The following ZBTB46 variants were observed in gnomAD, a reference collection of about 807,000 sequenced individuals.
ZBTB46 encodes the protein zinc finger and BTB domain-containing protein 46.
ZBTB46 carries 8 observed loss-of-function variants against 44.1 expected under a neutral mutation model. The observed-to-expected ratio is 0.18, with a 90% CI of 0.11 to 0.33. The LOEUF (loss-of-function observed/expected upper bound fraction) is 0.33, where lower values mean the gene tolerates loss of function less well. Ranked by LOEUF, ZBTB46 falls within the 10% of genes least tolerant of loss-of-function variation. ZBTB46 has a pLI of 1.00. For missense variants in ZBTB46, 651 were observed against 847.7 expected (o/e 0.77, Z 2.88); for synonymous variants, 409 against 382.3 (o/e 1.07, Z -0.81).
chr20:63,744,605 T>C lies in ZBTB46; in HGVS notation c.*2325A>G, dbSNP rs1022603541. 6.6e-6 allele frequency: 1 copy of C among 151,798 alleles called. No individual in the cohort carries two copies. The highest frequency in any genetic ancestry group is 2.4e-5 in the African/African-American group (1 of 40,950). The allele number at this position is 151,798 out of a possible 1,614,324, so 9.4% of individuals were successfully genotyped here. A position where few individuals can be genotyped will look rare whatever the true frequency, so the allele number is the denominator to read the frequency against. On this transcript the variant is annotated 3_prime_UTR_variant, in exon 5 of 5. Coordinates refer to ENST00000245663, the MANE Select transcript of ZBTB46 (RefSeq NM_001369741.1). The stretch of plus-strand genomic sequence containing the variant: ...CACATAAAAAAAACCCTTCATGACA[T>C]GTCTTTTCCCTCCACGCCTCCTGAG...
intron 3 of ZBTB46, among the ~76,000 whole-genome samples, chr20:63,771,122 G>A (rs1177736165): frequency 1.3e-5 from 2 of 152,176 alleles, no homozygotes; most frequent in African/African-American, 2.4e-5. Context: ...CTGAGTTGAA[G>A]CTGCGTTCCT....
intron 1 of ZBTB46, among the ~76,000 whole-genome samples, chr20:63,807,591 C>T (rs1237016105): frequency 2.0e-5 from 3 of 151,942 alleles, no homozygotes; most frequent in Non-Finnish European, 4.4e-5. Flanking sequence ...GCAATCTGCC[C>T]GCCTCGGCCT....
At chr20:63,808,608 G>A (rs189423538) in intron 1 of ZBTB46, among the ~76,000 whole-genome samples, 2,279 of 152,256 alleles carry the variant, frequency 0.015, 33 homozygotes, top group Non-Finnish European at 0.02. Context: ...TGGGTGGGAG[G>A]CGGACAGAGC....
chr20:63,792,597 A>C (rs1007341433), intron 1 of ZBTB46, among the ~76,000 whole-genome samples: 1 of 151,974 alleles, frequency 6.6e-6, no homozygotes, highest in African/African-American at 2.4e-5. Context: ...GCTCACTGCA[A>C]GCTCCGCTCC....
chr20:63,828,365 A>T (rs1369073479), intron 1 of ZBTB46, among the ~76,000 whole-genome samples: 1 of 152,268 alleles, frequency 6.6e-6, no homozygotes, highest in Non-Finnish European at 1.5e-5. Flanking sequence ...GGCCTCTCAA[A>T]GCCCTGAATA....
chr20:63,766,397 G>T (rs1461859465), intron 3 of ZBTB46, among the ~76,000 whole-genome samples: 1 of 151,704 alleles, frequency 6.6e-6, no homozygotes, highest in East Asian at 1.9e-4. Context: ...TCTATTTTTA[G>T]TAGAGATACG....
intron 1 of ZBTB46, among the ~76,000 whole-genome samples, chr20:63,812,483 A>T (rs796221669): frequency 3.3e-5 from 5 of 152,300 alleles, no homozygotes; most frequent in African/African-American, 1.2e-4. Context: ...CTCTACTAAA[A>T]TACAAAAAAT....
chr20:63,827,149 G>C (rs1243840983), intron 1 of ZBTB46, among the ~76,000 whole-genome samples: 1 of 152,102 alleles, frequency 6.6e-6, no homozygotes, highest in Non-Finnish European at 1.5e-5. Flanking sequence ...CACCACACTG[G>C]GTCACATCAG....
In ZBTB46 at chr20:63,743,977, C is replaced by T. The variant is rs1439176473; in HGVS notation, c.*2953G>A. 1 of 152,424 alleles carries T rather than the reference C, an allele frequency of 6.6e-6. No homozygotes were observed. Among genetic ancestry groups the T allele is most frequent in the Non-Finnish European group, 1.5e-5 (1 of 68,034 alleles). 9.4% of individuals were successfully genotyped at this position (152,424 alleles called of 1,614,324 possible). A position where few individuals can be genotyped will look rare whatever the true frequency, so the allele number is the denominator to read the frequency against. On this transcript the variant is annotated 3_prime_UTR_variant, in exon 5 of 5. Transcript: ENST00000245663. ...AAAAATCAACAATCTTCAAACACTG[C>T]CCTTTTTTTGTGTGTTTTGTTTTTG...
At position 63,803,050 on chromosome 20, in the gene ZBTB46, G is replaced by A. The variant is rs561935957; in HGVS notation, c.-33-12260C>T. ...GCGATGCCACAGACGCCAACAGGAG[G>A]AAACACGTTTCTGGGCAGCTCTGCC... On this transcript the variant is annotated intron_variant, in intron 1 of 4. Transcript: ENST00000245663. This position sits in a 1 kb window ranked among gnomAD's most constrained non-coding sequence, Gnocchi z 4.0. Among the ~76,000 whole-genome samples the A allele has an allele frequency of 1.3e-5, 2 of 152,250 alleles. No individual in the cohort carries two copies. The highest frequency in any genetic ancestry group is 4.1e-4 in the South Asian group (2 of 4,824).
At position 63,767,625 on chromosome 20, in the gene ZBTB46, G is replaced by C. The variant is rs1001867415; in HGVS notation, c.1222+8053C>G. ...CCGCAGCACTGAGGTCAAAGCAAAC[G>C]CCGGCTCCAGCGCACAGACCAGAGG... On this transcript the variant is annotated intron_variant, in intron 3 of 4. Transcript: ENST00000245663. This position sits in a 1 kb window ranked among gnomAD's most constrained non-coding sequence, Gnocchi z 5.0. Among the ~76,000 whole-genome samples, 1 of 152,218 alleles carries C rather than the reference G, an allele frequency of 6.6e-6. No homozygotes were observed. The highest frequency in any genetic ancestry group is 2.4e-5 in the African/African-American group (1 of 41,448).
rs1296197798 is a variant in ZBTB46 at position 63,781,160 on chromosome 20, A to AAAAG, written c.938-5202_938-5199dup. ...TGCCTCAAAAAAAAAAAAAAAAAAA[A>AAAAG]AAAGAAAGAAAAAAGGAGCCAAAGG... On this transcript the variant is annotated intron_variant, in intron 2 of 4. Transcript: ENST00000245663. Among the ~76,000 whole-genome samples, 566 of 143,794 alleles carry AAAAG rather than the reference A, an allele frequency of 3.9e-3. 3 individuals carry two copies. Among genetic ancestry groups the AAAAG allele is most frequent in the East Asian group, 0.02 (91 of 4,488 alleles). The allele number at this position is 143,794 out of a possible 152,430, so 94.3% of individuals were successfully genotyped here.
rs77676937 is a variant in ZBTB46 at position 63,758,856 on chromosome 20, C to T, written c.1223-5995G>A. On this transcript the variant is annotated intron_variant, in intron 3 of 4. Transcript: ENST00000245663. ...ACGCCATTCTCCTGCCTCAGCCTCC[C>T]GAGTAGCTGGGACTACAGGCGCCCG... is the stretch of plus-strand genomic sequence containing the variant. Among the ~76,000 whole-genome samples, 6 of 152,084 alleles carry T rather than the reference C, an allele frequency of 3.9e-5. 1 individual carries two copies. The highest frequency in any genetic ancestry group is 1.3e-4 in the Admixed American group (2 of 15,276).
intron 2 of ZBTB46, among the ~76,000 whole-genome samples, chr20:63,785,224 C>CAAAAA (rs368838708): frequency 2.1e-5 from 2 of 96,908 alleles, no homozygotes; most frequent in Non-Finnish European, 3.9e-5. Context: ...GAGCGAGACT[C>CAAAAA]AAAAAAAAAA....
chr20:63,794,734 G>A (rs915937598), intron 1 of ZBTB46, among the ~76,000 whole-genome samples: 1 of 152,188 alleles, frequency 6.6e-6, no homozygotes, highest in South Asian at 2.1e-4. Flanking sequence ...CGCAAGCAGC[G>A]GACTTGAGCT....
chr20:63,822,254 C>T (rs565020558), intron 1 of ZBTB46, among the ~76,000 whole-genome samples: 18 of 152,192 alleles, frequency 1.2e-4, no homozygotes, highest in African/African-American at 4.1e-4. Context: ...CTGGGAGAAC[C>T]GGGAATAAAC....
At chr20:63,748,883 C>T (rs753945078) in intron 4 of ZBTB46, among the ~76,000 whole-genome samples, 2 of 152,224 alleles carry the variant, frequency 1.3e-5, no homozygotes, top group African/African-American at 2.4e-5. Flanking sequence ...TGTGTCATGG[C>T]GGAAGACGGT....
intron 3 of ZBTB46, among the ~76,000 whole-genome samples, chr20:63,753,428 C>T (rs751455166): frequency 5.2e-4 from 79 of 152,218 alleles, no homozygotes; most frequent in Non-Finnish European, 8.8e-5. Context: ...TTCCCCCAAC[C>T]CTGAGACCCA....
chr20:63,805,682 C>T (rs1046815292), intron 1 of ZBTB46, among the ~76,000 whole-genome samples: 9 of 152,044 alleles, frequency 5.9e-5, no homozygotes, highest in East Asian at 5.8e-4. Context: ...TCTGCTGCCG[C>T]GAGCTGCCCA....
Sources: allele counts gnomAD v4.1 joint callset (sites outside exome capture counted in the v4.1 genomes callset), GRCh38; gene constraint gnomAD v4.1.1; non-coding constraint Gnocchi (gnomAD v3.1); transcripts MANE v1.5; gene names NCBI Gene and HGNC (gene_info 2026-07-23, HGNC 2026-07-21).